Variants in SGO2 observed in about 807,000 individuals in gnomAD.
SGO2 encodes shugoshin 2.
Under a neutral mutation model 99.5 loss-of-function variants are expected in SGO2, and 68 were observed. The ratio of observed to expected loss-of-function variants is 0.68; its 90% CI spans 0.56 to 0.84. SGO2 has a LOEUF of 0.84. Among genes scored for constraint, SGO2 ranks in the 40% least tolerant of loss-of-function variants. The pLI is 0.00. For missense variants in SGO2, 1,350 were observed against 1,436.7 expected, an observed-to-expected ratio of 0.94 and a Z score of 0.97; for synonymous variants, 457 against 487.1, an observed-to-expected ratio of 0.94 and a Z score of 0.81.
intron 5 of SGO2, chr2:200,542,963 T>A (rs886191395): frequency 1.9e-4 from 36 of 190,940 alleles, no homozygotes; most frequent in Non-Finnish European, 2.6e-4. Context: ...ATCTGATGAC[T>A]GTTTCTACCT....
In SGO2 at chr2:200,572,127, A is replaced by T; in HGVS notation, c.1781A>T (p.Lys594Met). 6.2e-7 allele frequency: 1 copy of T among 1,612,948 alleles called. No individual in the cohort carries two copies. The highest frequency in any genetic ancestry group is 2.2e-5 in the East Asian group (1 of 44,856). Residue 594 changes from lysine to methionine, a missense_variant, in exon 7 of 9, where the codon AAG becomes ATG. By Grantham distance (95) the Lys-to-Met change is moderately conservative. Coordinates refer to ENST00000357799, the MANE Select transcript of SGO2 (RefSeq NM_152524.6). ...ACCCACAATATATTGGATTTGAAAA[A>T]GTATGTCACTGATATTCAACCCTCA... is the stretch of plus-strand genomic sequence containing the variant. The part of the protein sequence containing the change: ...YGTHNILDLK[K>M]YVTDIQPSEQ...
intron 5 of SGO2, among the ~76,000 whole-genome samples, chr2:200,544,715 C>CTATT (rs1400613308): frequency 2.6e-5 from 4 of 151,880 alleles, no homozygotes; most frequent in Non-Finnish European, 4.4e-5. Flanking sequence ...ATCTATCTAT[C>CTATT]TATCTATCTA....
At chr2:200,536,369 G>C (rs567930575) in intron 4 of SGO2, among the ~76,000 whole-genome samples, 1 of 152,086 alleles carries the variant, frequency 6.6e-6, no homozygotes, top group Non-Finnish European at 1.5e-5. Context: ...GATTAGACAG[G>C]TTAGTGGAAC....
chr2:200,553,188 C>G (rs138480719), intron 5 of SGO2, among the ~76,000 whole-genome samples: 8 of 152,178 alleles, frequency 5.3e-5, no homozygotes, highest in Non-Finnish European at 8.8e-5. Context: ...TGCACCATTT[C>G]GGAAAACATT....
Position 200,583,210 on chromosome 2 carries a change from A to G in SGO2, c.3783-239A>G, listed in dbSNP as rs142902505. ...AGGAACTATGTAATAAACATGTAATATATAAAATCTATGTTGATTAATTTT... is the reference window on the plus strand; with the variant it reads ...AGGAACTATGTAATAAACATGTAATGTATAAAATCTATGTTGATTAATTTT... On this transcript the variant is annotated intron_variant, in intron 8 of 8. Coordinates refer to ENST00000357799, the MANE Select transcript of SGO2 (RefSeq NM_152524.6). Among the ~76,000 whole-genome samples the G allele has an allele frequency of 8.5e-5, 13 of 152,354 alleles. No individual in the cohort carries two copies. The East Asian group carries it at 2.3e-3, about 27-fold the overall frequency.
chr2:200,576,117 G>A, intron 8 of SGO2: 1 of 381,260 alleles, frequency 2.6e-6, no homozygotes, highest in Non-Finnish European at 5.1e-6. Flanking sequence ...TAACAAAAAA[G>A]AATGATTCTC....
rs954513403 is a variant in SGO2, at chr2:200,573,630, T to A, written c.3284T>A (p.Val1095Glu). ...GATCCTTCTCCAGAGAGCCATGAAGTAATGGAAAGAATACTTGACAGCGTT... is the reference window on the plus strand; with the variant it reads ...GATCCTTCTCCAGAGAGCCATGAAGAAATGGAAAGAATACTTGACAGCGTT... ...SIDPSPESHE[V>E]MERILDSVQG... The change falls in exon 7 of 9, where the codon GTA (valine) becomes GAA (glutamate). Residue 1095 changes from valine to glutamate, a missense_variant. Coordinates refer to ENST00000357799, the MANE Select transcript of SGO2 (RefSeq NM_152524.6). The A allele has an allele frequency of 6.2e-7, 1 of 1,612,726 alleles. No homozygotes were observed. The highest frequency in any genetic ancestry group is 1.3e-5 in the African/African-American group (1 of 74,840).
In SGO2 at chr2:200,573,329, A is replaced by G. The variant is rs1325211913; in HGVS notation, c.2983A>G (p.Lys995Glu). 6.2e-6 allele frequency: 10 copies of G among 1,605,300 alleles called. No homozygotes were observed. Among genetic ancestry groups the G allele is most frequent in the Non-Finnish European group, 7.6e-6 (9 of 1,177,506 alleles). ...TAAGAAAGAATCATCATGCAAGGCA[A>G]AGAACATTTTGACAAAAGCTAAGAA... Reference protein sequence around the residue: ...KRKKESSCKAKNILTKAKNKL... With the variant: ...KRKKESSCKAENILTKAKNKL... The change falls in exon 7 of 9, where the codon AAG becomes GAG. Residue 995 changes from lysine (K) to glutamate (E), a missense_variant. Coordinates refer to ENST00000357799, the MANE Select transcript of SGO2 (RefSeq NM_152524.6).
rs1184866183 is a variant in SGO2 at position 200,573,559 on chromosome 2, G to A, written c.3213G>A (p.Lys1071=). The A allele has an allele frequency of 6.2e-7, 1 of 1,606,092 alleles. No homozygotes were observed. Among genetic ancestry groups the A allele is most frequent in the Admixed American group, 1.7e-5 (1 of 58,210 alleles). The change falls in exon 7 of 9, where the codon AAG becomes AAA. Residue 1071 remains lysine (K), a synonymous_variant. Transcript: ENST00000357799. ...AAGAAGGAGAGTGTCAGGTTAAAAA[G>A]GTAAATAAAATGACATCTAAGTCAA... ...EIKEGECQVK[K]VNKMTSKSKK... is the part of the protein sequence containing the mutation.
chr2:200,568,622 T>C (rs1444341382), intron 5 of SGO2, among the ~76,000 whole-genome samples: 1 of 152,152 alleles, frequency 6.6e-6, no homozygotes, highest in Admixed American at 6.6e-5. Flanking sequence ...CCCCCATCAC[T>C]TCACAGCTGT....
intron 4 of SGO2, among the ~76,000 whole-genome samples, chr2:200,540,255 AT>A (rs1482665546): frequency 6.6e-6 from 1 of 152,164 alleles, no homozygotes; most frequent in Non-Finnish European, 1.5e-5. Flanking sequence ...GATTTTTGGT[AT>A]GACAAGTGAT....
At chr2:200,564,886 C>T (rs1047020403) in intron 5 of SGO2, among the ~76,000 whole-genome samples, 1 of 152,104 alleles carries the variant, frequency 6.6e-6, no homozygotes, top group African/African-American at 2.4e-5. Context: ...ATTGCAACCC[C>T]TGCCTTTTTT....
rs750575556 is a variant in SGO2, at chr2:200,572,498, C to T, written c.2152C>T (p.Arg718Trp). 17 of 1,612,406 alleles carry T rather than the reference C, an allele frequency of 1.1e-5. No homozygotes were observed. The South Asian group carries it at 1.4e-4, about 14-fold the overall frequency. The change falls in exon 7 of 9, where the codon CGG (arginine) becomes TGG (tryptophan). Residue 718 changes from arginine to tryptophan, a missense_variant. Arg to Trp is a moderately radical substitution (Grantham distance 101, BLOSUM62 -3). Coordinates refer to ENST00000357799, the MANE Select transcript of SGO2 (RefSeq NM_152524.6). Reference protein sequence around the residue: ...VNKKLRQKVNRKTEIISEVNH... With the variant: ...VNKKLRQKVNWKTEIISEVNH... ...TAAGAAGCTTAGGCAGAAAGTAAAT[C>T]GGAAGACAGAAATAATTTCTGAAGT...
At chr2:200,532,267 TTTTTG>T (rs1305232376) in intron 1 of SGO2, 2 of 409,522 alleles carry the variant, frequency 4.9e-6, no homozygotes, top group African/African-American at 7.4e-5. Flanking sequence ...GTGACAGAGT[TTTTTG>T]TTTTTTTTTT....
At chr2:200,537,107 G>C (rs1029552112) in intron 4 of SGO2, among the ~76,000 whole-genome samples, 1 of 151,598 alleles carries the variant, frequency 6.6e-6, no homozygotes, top group Non-Finnish European at 1.5e-5. Flanking sequence ...TTCTCTTTTG[G>C]TGCTGCTTTG....
chr2:200,539,374 T>G (rs1487403671), intron 4 of SGO2, among the ~76,000 whole-genome samples: 2 of 152,158 alleles, frequency 1.3e-5, no homozygotes, highest in Non-Finnish European at 2.9e-5. Context: ...ATTAATTTTA[T>G]GTATTTGGGC....
intron 2 of SGO2, chr2:200,533,515 GTA>G (rs146385517): frequency 0.16 from 16,954 of 108,750 alleles, 1,129 homozygotes; most frequent in Non-Finnish European, 0.2. Context: ...TATATATAAT[GTA>G]TATGTGTGTG....
In SGO2 at chr2:200,532,993, G is replaced by A; in HGVS notation, c.18G>A (p.Met6Ile). The change falls in exon 2 of 9, where the codon ATG (methionine) becomes ATA (isoleucine). Residue 6 changes from methionine (M) to isoleucine (I), a missense_variant. Physicochemically the swap from Met to Ile is conservative, Grantham distance 10. Coordinates refer to ENST00000357799, the MANE Select transcript of SGO2 (RefSeq NM_152524.6). ...CTTCAGTGATGGAGTGCCCAGTGAT[G>A]GAAACTGGCTCACTTTTTACCTCAG... MECPV[M>I]ETGSLFTSGI... is the part of the protein sequence containing the mutation. 1.2e-6 allele frequency: 2 copies of A among 1,609,062 alleles called. No individual in the cohort carries two copies. Among genetic ancestry groups the A allele is most frequent in the East Asian group, 2.2e-5 (1 of 44,700 alleles).
Position 200,572,038 on chromosome 2 carries a change from C to T in SGO2, c.1692C>T (p.Val564=). 6.2e-7 allele frequency: 1 copy of T among 1,613,288 alleles called. No individual in the cohort carries two copies. Among genetic ancestry groups the T allele is most frequent in the Non-Finnish European group, 8.5e-7 (1 of 1,179,562 alleles). The part of the protein sequence containing the change: ...DKVTIYENLD[V]TNEFHTANLS... ...TAACCATTTATGAAAACCTAGACGT[C>T]ACAAATGAATTTCACACAGCCAATC... Residue 564 remains valine, a synonymous_variant, in exon 7 of 9, where the codon GTC becomes GTT. Coordinates refer to ENST00000357799, the MANE Select transcript of SGO2 (RefSeq NM_152524.6).
Sources: allele counts gnomAD v4.1 joint callset (sites outside exome capture counted in the v4.1 genomes callset), GRCh38; gene constraint gnomAD v4.1.1; transcripts MANE v1.5; gene names NCBI Gene and HGNC (gene_info 2026-07-23, HGNC 2026-07-21).